ADAM22: variants seen among roughly 807,000 people sequenced by gnomAD.
The protein encoded by ADAM22 is disintegrin and metalloproteinase domain-containing protein 22.
ADAM22 carries 65 observed loss-of-function variants against 144.6 expected under a neutral mutation model. The observed-to-expected ratio is 0.45, with a 90% CI of 0.37 to 0.55. ADAM22 has a LOEUF of 0.55. Ranked by LOEUF, ADAM22 falls within the 20% of genes least tolerant of loss-of-function variation. The pLI is 0.00. For missense variants in ADAM22, 974 were observed against 1,184.9 expected, an observed-to-expected ratio of 0.82 and a Z score of 2.61; for synonymous variants, 391 against 412.6, an observed-to-expected ratio of 0.95 and a Z score of 0.63.
intron 27 of ADAM22, among the ~76,000 whole-genome samples, chr7:88,179,530 A>G (rs1176356458): frequency 6.6e-6 from 1 of 152,012 alleles, no homozygotes; most frequent in African/African-American, 2.4e-5. Context: ...TTCTCTGTGA[A>G]TCATATATTT....
At chr7:87,960,936 T>C (rs1270817554) in intron 2 of ADAM22, among the ~76,000 whole-genome samples, 1 of 152,170 alleles carries the variant, frequency 6.6e-6, no homozygotes, top group African/African-American at 2.4e-5. Flanking sequence ...GATACATCAG[T>C]GAATAATAAA....
At chr7:88,068,664 T>C (rs980513051) in intron 3 of ADAM22, among the ~76,000 whole-genome samples, 2 of 152,222 alleles carry the variant, frequency 1.3e-5, no homozygotes. Flanking sequence ...TGGGCAGATA[T>C]GCTTTATGTA....
intron 23 of ADAM22, among the ~76,000 whole-genome samples, chr7:88,163,943 A>G (rs147969524): frequency 2.5e-4 from 38 of 152,142 alleles, no homozygotes; most frequent in African/African-American, 8.7e-4. Context: ...CTGTTGTATT[A>G]TCCAGTTAAG....
chr7:88,186,470 C>T (rs370690659), intron 29 of ADAM22, 145 bp from the exon 30 acceptor site: 7 of 707,316 alleles, frequency 9.9e-6, no homozygotes, highest in African/African-American at 8.9e-5. Flanking sequence ...TAGACTGCCT[C>T]ATAATCACCC....
chr7:87,986,231 G>C (rs2129450572), intron 3 of ADAM22, among the ~76,000 whole-genome samples: 1 of 152,228 alleles, frequency 6.6e-6, no homozygotes, highest in East Asian at 1.9e-4. Context: ...TTTGTTCTAA[G>C]TTGAGAAGTG....
At chr7:88,089,447 C>T (rs1319620257) in intron 4 of ADAM22, among the ~76,000 whole-genome samples, 2 of 152,060 alleles carry the variant, frequency 1.3e-5, no homozygotes, top group African/African-American at 4.8e-5. Flanking sequence ...AAAATGTGAG[C>T]AACAGCCACT....
chr7:88,186,779 A>C, intron 30 of ADAM22, 78 bp downstream of exon 30: 1 of 879,242 alleles, frequency 1.1e-6, no homozygotes, highest in South Asian at 1.5e-5. Flanking sequence ...CTGGCTCTCT[A>C]TCTTGTATCT....
At chr7:88,177,976 G>T (rs1443741528) in intron 26 of ADAM22, among the ~76,000 whole-genome samples, 1 of 152,086 alleles carries the variant, frequency 6.6e-6, no homozygotes, top group Non-Finnish European at 1.5e-5. Context: ...AAAGAATCAA[G>T]TTTTAGGTGC....
At chr7:88,094,045 A>G (rs1820620840) in intron 4 of ADAM22, among the ~76,000 whole-genome samples, 1 of 152,188 alleles carries the variant, frequency 6.6e-6, no homozygotes, top group African/African-American at 2.4e-5. Flanking sequence ...ACCCTCATTT[A>G]TTCAATAGAC....
intron 3 of ADAM22, among the ~76,000 whole-genome samples, chr7:87,983,451 C>A (rs1854209221): frequency 6.6e-6 from 1 of 151,928 alleles, no homozygotes; most frequent in South Asian, 2.1e-4. Context: ...ATTTTTCCAT[C>A]ATATTTTATA....
intron 4 of ADAM22, among the ~76,000 whole-genome samples, chr7:88,079,756 T>G (rs1245640293): frequency 1.3e-5 from 2 of 152,156 alleles, no homozygotes. Flanking sequence ...AAGAAGGCTA[T>G]TACATAATGG....
At chr7:88,026,735 T>C (rs1796079411) in intron 3 of ADAM22, among the ~76,000 whole-genome samples, 1 of 152,194 alleles carries the variant, frequency 6.6e-6, no homozygotes, top group Non-Finnish European at 1.5e-5. Flanking sequence ...GTCTGATTGC[T>C]CTAGCTAGGT....
chr7:88,042,401 A>G (rs1338024850), intron 3 of ADAM22, among the ~76,000 whole-genome samples: 4 of 145,776 alleles, frequency 2.7e-5, no homozygotes, highest in Non-Finnish European at 6.1e-5. Flanking sequence ...GCTGGTATGA[A>G]ACTAAATACT....
intron 30 of ADAM22, 138 bp from the exon 31 acceptor site, chr7:88,192,978 T>C (rs192124097): frequency 1.0e-6 from 1 of 967,456 alleles, no homozygotes; most frequent in Admixed American, 2.7e-5. Context: ...TGACAGAATA[T>C]CTTCCCAGTA....
intron 3 of ADAM22, among the ~76,000 whole-genome samples, chr7:87,987,664 A>G (rs1035128392): frequency 2.0e-5 from 3 of 152,234 alleles, no homozygotes; most frequent in African/African-American, 4.8e-5. Flanking sequence ...TTCCATTTGA[A>G]TAATTGGAAA....
intron 2 of ADAM22, among the ~76,000 whole-genome samples, chr7:87,975,897 C>T (rs1851792130): frequency 6.6e-6 from 1 of 152,108 alleles, no homozygotes; most frequent in Non-Finnish European, 1.5e-5. Flanking sequence ...TAAGCAGAGG[C>T]TCTTCCCAAA....
At chr7:87,977,756 A>G (rs993119677) in intron 2 of ADAM22, among the ~76,000 whole-genome samples, 6 of 152,158 alleles carry the variant, frequency 3.9e-5, no homozygotes, top group Non-Finnish European at 7.3e-5. Context: ...TTCTAACACA[A>G]GAACATTTTG....
intron 10 of ADAM22, among the ~76,000 whole-genome samples, chr7:88,131,002 A>G (rs1425957349): frequency 2.6e-5 from 4 of 152,160 alleles, no homozygotes; most frequent in Admixed American, 2.6e-4. Context: ...CCAGGATACC[A>G]GAAAACAGAT....
intron 3 of ADAM22, among the ~76,000 whole-genome samples, chr7:88,061,647 A>T (rs1260361649): frequency 2.0e-5 from 3 of 152,090 alleles, no homozygotes; most frequent in Non-Finnish European, 4.4e-5. Context: ...TATTCAGTAA[A>T]CCACATTGTC....
Sources: gnomAD v4.1 joint callset for allele counts (sites outside exome capture counted in the v4.1 genomes callset) on GRCh38, gnomAD v4.1.1 for gene constraint, MANE v1.5 for transcripts, NCBI Gene and HGNC (gene_info 2026-07-23, HGNC 2026-07-21) for gene names.